Variants in RAP1GAP2 observed in about 807,000 individuals in gnomAD.
RAP1GAP2 encodes the protein RAP1 GTPase activating protein 2, also known as rap1 GTPase-activating protein 2.
In RAP1GAP2, 27 loss-of-function variants were observed where a neutral mutation model predicts 95.0. The observed-to-expected ratio is 0.28, with a 90% CI of 0.21 to 0.39. RAP1GAP2 has a LOEUF of 0.39. Ranked by LOEUF, RAP1GAP2 falls within the 10% of genes least tolerant of loss-of-function variation. The pLI is 1.00. For missense variants in RAP1GAP2, 771 were observed against 970.0 expected, an observed-to-expected ratio of 0.79 and a Z score of 2.72; for synonymous variants, 373 against 380.9, an observed-to-expected ratio of 0.98 and a Z score of 0.24.
chr17:2,928,404 G>C (rs1597635640), intron 3 of RAP1GAP2, among the ~76,000 whole-genome samples: 1 of 152,106 alleles, frequency 6.6e-6, no homozygotes, highest in Admixed American at 6.5e-5. Context: ...GGCACCCTCT[G>C]TTTCGTCCTG....
intron 17 of RAP1GAP2, among the ~76,000 whole-genome samples, chr17:3,010,264 C>T (rs571648399): frequency 1.4e-5 from 2 of 142,222 alleles, no homozygotes; most frequent in East Asian, 2.3e-4. Flanking sequence ...CACGTGAACC[C>T]GGGAGGCGGA....
intron 13 of RAP1GAP2, among the ~76,000 whole-genome samples, chr17:2,995,998 A>G (rs4790406): frequency 0.2 from 29,752 of 152,120 alleles, 3,144 homozygotes; most frequent in South Asian, 0.27. Context: ...TGGGGATTAC[A>G]TACATTTCTG....
At chr17:3,032,635 G>A (rs1349291577) in intron 24 of RAP1GAP2, among the ~76,000 whole-genome samples, 186 bp downstream of exon 24, 3 of 152,142 alleles carry the variant, frequency 2.0e-5, no homozygotes, top group East Asian at 1.9e-4. Context: ...GCCTGTGTGC[G>A]GATGGGAAGG....
intron 14 of RAP1GAP2, among the ~76,000 whole-genome samples, chr17:2,999,981 TC>T (rs1382736128): frequency 2.6e-5 from 4 of 152,192 alleles, no homozygotes; most frequent in African/African-American, 7.2e-5. Context: ...AGAGTCTTGC[TC>T]TGTTGCCCAG....
intron 2 of RAP1GAP2, among the ~76,000 whole-genome samples, chr17:2,839,323 A>C (rs889353217): frequency 1.3e-5 from 2 of 152,100 alleles, no homozygotes; most frequent in African/African-American, 4.8e-5. Context: ...AATAAAAAAA[A>C]AAAGAATAAA....
intron 2 of RAP1GAP2, among the ~76,000 whole-genome samples, chr17:2,810,096 G>A (rs899288012): frequency 6.0e-5 from 9 of 150,286 alleles, no homozygotes; most frequent in African/African-American, 1.9e-4. Context: ...TGCTGGGACC[G>A]GGGGCTGTGT....
chr17:3,020,801 C>T (rs1351585851), intron 19 of RAP1GAP2, among the ~76,000 whole-genome samples: 1 of 152,212 alleles, frequency 6.6e-6, no homozygotes, highest in African/African-American at 2.4e-5. Context: ...CTGCCTGGGA[C>T]CTTCCAGAGT....
At chr17:2,943,020 T>C (rs767848769) in intron 3 of RAP1GAP2, among the ~76,000 whole-genome samples, 86 of 152,076 alleles carry the variant, frequency 5.7e-4, no homozygotes, top group South Asian at 2.9e-3. Context: ...CTGCCCGCCT[T>C]GGCCACCCAA....
intron 3 of RAP1GAP2, among the ~76,000 whole-genome samples, chr17:2,907,448 G>C (rs2042235013): frequency 6.6e-6 from 1 of 152,120 alleles, no homozygotes; most frequent in African/African-American, 2.4e-5. Flanking sequence ...TTGTCGTCTA[G>C]CTAGGGAGCC....
chr17:2,980,301 C>T lies in RAP1GAP2; in HGVS notation c.611C>T (p.Thr204Met), dbSNP rs375908639. 2.7e-5 allele frequency: 44 copies of T among 1,613,670 alleles called. No individual in the cohort carries two copies. The highest frequency in any genetic ancestry group is 3.3e-5 in the Non-Finnish European group (39 of 1,179,836). Residue 204 changes from threonine (T) to methionine (M), a missense_variant, in exon 9 of 25, where the codon ACG becomes ATG. Transcript: ENST00000254695. ...GTCTTGTGCAGGTCCAAACTGAAGA[C>T]GGTACATGAGCGGATCCCCTTGGCT... The part of the protein sequence containing the change: ...LRVILRSKLK[T>M]VHERIPLAGL...
chr17:2,963,177 A>G lies in RAP1GAP2; in HGVS notation c.247-253A>G. The G allele has an allele frequency of 1.7e-6, 1 of 577,792 alleles. No individual in the cohort carries two copies. Among genetic ancestry groups the G allele is most frequent in the Non-Finnish European group, 3.1e-6 (1 of 324,444 alleles). 35.8% of individuals were successfully genotyped at this position (577,792 alleles called of 1,614,324 possible). A position where few individuals can be genotyped will look rare whatever the true frequency, so the allele number is the denominator to read the frequency against. On this transcript the variant is annotated intron_variant, in intron 5 of 24. Transcript: ENST00000254695. This position sits in a 1 kb window ranked among gnomAD's most constrained non-coding sequence, Gnocchi z 4.8. The stretch of plus-strand genomic sequence containing the variant: ...CGTTCTAGGATGAGAAGCTGGTATC[A>G]CGAGGGGTGAGAAGTTCAGCACCTT...
intron 17 of RAP1GAP2, among the ~76,000 whole-genome samples, chr17:3,016,543 C>T (rs1450777297): frequency 1.3e-5 from 2 of 152,376 alleles, no homozygotes; most frequent in South Asian, 2.1e-4. Flanking sequence ...CTTTCAGCAT[C>T]GCCCAATGTG....
chr17:3,009,007 C>T (rs2046423633), intron 17 of RAP1GAP2, among the ~76,000 whole-genome samples: 1 of 152,096 alleles, frequency 6.6e-6, no homozygotes, highest in African/African-American at 2.4e-5. Flanking sequence ...TGCTGGATTG[C>T]CTGTTAGAAG....
chr17:2,991,624 G>A lies in RAP1GAP2; in HGVS notation c.914+227G>A, dbSNP rs535874599. On this transcript the variant is annotated intron_variant, in intron 12 of 24. Coordinates refer to ENST00000254695, the MANE Select transcript of RAP1GAP2 (RefSeq NM_015085.5). Reference sequence around the variant, plus strand: ...GCGTTCACGTTCGGCCCTGGGCCCCGCCCCAGATGTGCCTTCCTACTTACC... The same window carrying A: ...GCGTTCACGTTCGGCCCTGGGCCCCACCCCAGATGTGCCTTCCTACTTACC... Among the ~76,000 whole-genome samples, 17 of 152,306 alleles carry A rather than the reference G, an allele frequency of 1.1e-4. No homozygotes were observed. The South Asian group carries it at 2.3e-3, about 20-fold the overall frequency.
At position 2,815,456 on chromosome 17, in the gene RAP1GAP2, ATATTATTATTATTAT is replaced by A. The variant is rs10675930; in HGVS notation, c.80+14935_80+14949del. ...CATGTAACCTGCCTTAACATCTCTG[ATATTATTATTATTAT>A]TATTATTATTATTATTATTATTATT... On this transcript the variant is annotated intron_variant, in intron 2 of 24. Coordinates refer to ENST00000254695, the MANE Select transcript of RAP1GAP2 (RefSeq NM_015085.5). Among the ~76,000 whole-genome samples the A allele has an allele frequency of 8.3e-3, 1,169 of 140,134 alleles. 9 individuals are homozygous for A. Among genetic ancestry groups the A allele is most frequent in the African/African-American group, 0.016 (588 of 37,794 alleles). The allele number at this position is 140,134 out of a possible 152,430, so 91.9% of individuals were successfully genotyped here. A position where few individuals can be genotyped will look rare whatever the true frequency, so the allele number is the denominator to read the frequency against.
At chr17:2,850,093 C>T (rs113044767) in intron 2 of RAP1GAP2, among the ~76,000 whole-genome samples, 6 of 149,800 alleles carry the variant, frequency 4.0e-5, no homozygotes, top group South Asian at 2.1e-4. Flanking sequence ...CTCTGCCTCC[C>T]GGGTTCATGC....
At chr17:2,889,482 A>C (rs767252911) in intron 2 of RAP1GAP2, among the ~76,000 whole-genome samples, 1 of 151,838 alleles carries the variant, frequency 6.6e-6, no homozygotes, top group East Asian at 1.9e-4. Flanking sequence ...TCACGTGGAG[A>C]TCTTGATCAC....
intron 2 of RAP1GAP2, among the ~76,000 whole-genome samples, chr17:2,889,385 G>T (rs930955103): frequency 6.6e-6 from 1 of 152,164 alleles, no homozygotes; most frequent in African/African-American, 2.4e-5. Flanking sequence ...CAGGCCAGTG[G>T]TCAGGGTGCG....
At chr17:2,785,940 T>C (rs1223008751) in intron 1 of RAP1GAP2, among the ~76,000 whole-genome samples, 1 of 150,790 alleles carries the variant, frequency 6.6e-6, no homozygotes, top group East Asian at 2.0e-4. Flanking sequence ...TTGCTCTTGT[T>C]GCCCAGGCTG....
Sources: allele counts gnomAD v4.1 joint callset (sites outside exome capture counted in the v4.1 genomes callset), GRCh38; gene constraint gnomAD v4.1.1; non-coding constraint Gnocchi (gnomAD v3.1); transcripts MANE v1.5; gene names NCBI Gene and HGNC (gene_info 2026-07-23, HGNC 2026-07-21).